The following ABLIM2 variants were observed in gnomAD, a reference collection of about 807,000 sequenced individuals.
ABLIM2 encodes actin binding LIM protein family member 2.
A neutral mutation model predicts 97.7 loss-of-function variants in ABLIM2; 53 were observed. The ratio of observed to expected loss-of-function variants is 0.54; its 90% CI spans 0.44 to 0.68. ABLIM2 has a LOEUF of 0.68. ABLIM2 is among the 30% of genes least tolerant of loss of function. ABLIM2 has a pLI of 0.00. For synonymous variants in ABLIM2, 361 were observed against 345.8 expected (o/e 1.04, Z -0.49); for missense variants, 835 against 867.2 (o/e 0.96, Z 0.47).
intron 20 of ABLIM2, among the ~76,000 whole-genome samples, chr4:7,973,383 C>T (rs1326737466): frequency 6.6e-6 from 1 of 151,612 alleles, no homozygotes; most frequent in Non-Finnish European, 1.5e-5. Context: ...TGCCTGTAGT[C>T]CCAGCTACCC....
Position 8,106,398 on chromosome 4 carries a change from C to G in ABLIM2, c.154+96G>C, listed in dbSNP as rs1271643653. ...CTGGAGTGTTCTCCAGTATCCCAGG[C>G]CCAGGCAGAGCTTCCCAGGAGGCTT... On this transcript the variant is annotated intron_variant, in intron 2 of 20. Coordinates refer to ENST00000447017, the MANE Select transcript of ABLIM2 (RefSeq NM_001130083.2). 40 of 1,509,312 alleles carry G rather than the reference C, an allele frequency of 2.7e-5. No individual in the cohort carries two copies. In the Admixed American group the frequency reaches 7.8e-4, roughly 30 times the overall value. 93.5% of individuals were successfully genotyped at this position (1,509,312 alleles called of 1,614,324 possible). A position where few individuals can be genotyped will look rare whatever the true frequency, so the allele number is the denominator to read the frequency against.
rs1759836584 is a variant in ABLIM2, at chr4:8,004,629, C to G, written c.1618+3430G>C. ...CTCAAGGGGCTAGGAATGTGGGACC[C>G]CAAGCAGCAGCAGGCCCTACTGCCG... is the stretch of plus-strand genomic sequence containing the variant. On this transcript the variant is annotated intron_variant, in intron 16 of 20. Transcript: ENST00000447017. This position sits in a 1 kb window ranked among gnomAD's most constrained non-coding sequence, Gnocchi z 5.9. 2.0e-5 allele frequency among the ~76,000 whole-genome samples: 3 copies of G among 152,062 alleles called. No individual in the cohort carries two copies. The South Asian group carries it at 6.2e-4, about 32-fold the overall frequency.
At chr4:7,993,454 T>TG (rs1750589978) in intron 16 of ABLIM2, among the ~76,000 whole-genome samples, 1 of 152,218 alleles carries the variant, frequency 6.6e-6, no homozygotes, top group South Asian at 2.1e-4. Context: ...GAGGCCAAGG[T>TG]GGGAAAATCA....
intron 14 of ABLIM2, among the ~76,000 whole-genome samples, chr4:8,009,483 G>A (rs986973654): frequency 4.0e-5 from 6 of 150,450 alleles, no homozygotes; most frequent in East Asian, 2.0e-4. Flanking sequence ...TGCAACTTCC[G>A]CCTCCCAGGT....
chr4:8,104,087 C>A lies in ABLIM2; in HGVS notation c.154+2407G>T, dbSNP rs757504550. On this transcript the variant is annotated intron_variant, in intron 2 of 20. Coordinates refer to ENST00000447017, the MANE Select transcript of ABLIM2 (RefSeq NM_001130083.2). ...AGAGAAAGGCCAGGGTGGAGGCCACCCCTTCTCCCAGGCAATCGCTCCCTG... is the reference window on the plus strand; with the variant it reads ...AGAGAAAGGCCAGGGTGGAGGCCACACCTTCTCCCAGGCAATCGCTCCCTG... Among the ~76,000 whole-genome samples, 8 of 152,284 alleles carry A rather than the reference C, an allele frequency of 5.3e-5. No individual in the cohort carries two copies. In the East Asian group the frequency reaches 1.6e-3, roughly 30 times the overall value.
rs1383626322 is a variant in ABLIM2 at position 8,149,592 on chromosome 4, G to A, written c.10+9088C>T. On this transcript the variant is annotated intron_variant, in intron 1 of 20. Transcript: ENST00000447017. The surrounding 1 kb of genome is among the most constrained non-coding windows in gnomAD (Gnocchi z 6.4). Reference sequence around the variant, plus strand: ...CAGAGCCTTGAAAGGGAGAGGAGGAGGGACTCCAGGGGAGCGGGGGCAGGC... The same window carrying A: ...CAGAGCCTTGAAAGGGAGAGGAGGAAGGACTCCAGGGGAGCGGGGGCAGGC... 6.6e-6 allele frequency among the ~76,000 whole-genome samples: 1 copy of A among 151,842 alleles called. No homozygotes were observed. The highest frequency in any genetic ancestry group is 1.5e-5 in the Non-Finnish European group (1 of 67,970).
At chr4:8,134,175 A>T (rs150347735) in intron 1 of ABLIM2, among the ~76,000 whole-genome samples, 1 of 152,300 alleles carries the variant, frequency 6.6e-6, no homozygotes, top group East Asian at 1.9e-4. Context: ...CAAGCGGAGG[A>T]TGTTGAGCGG....
chr4:8,096,459 C>G (rs551474139), intron 3 of ABLIM2, among the ~76,000 whole-genome samples: 26 of 152,316 alleles, frequency 1.7e-4, no homozygotes, highest in African/African-American at 6.3e-4. Flanking sequence ...TACGATGACA[C>G]AGAGCGACTC....
In ABLIM2 at chr4:8,115,007, A is replaced by G. The variant is rs191564767; in HGVS notation, c.11-8370T>C. Among the ~76,000 whole-genome samples the G allele has an allele frequency of 4.7e-4, 72 of 152,278 alleles. No homozygotes were observed. The East Asian group carries it at 9.3e-3, about 20-fold the overall frequency. ...CCCTCTTCCAGTTCCCCAGGAGTGC[A>G]GTCTGGCTTCTCCCATCTGAGTCCT... is the stretch of plus-strand genomic sequence containing the variant. On this transcript the variant is annotated intron_variant, in intron 1 of 20. Transcript: ENST00000447017.
chr4:8,100,805 T>C (rs1299551928), intron 2 of ABLIM2, among the ~76,000 whole-genome samples: 1 of 150,452 alleles, frequency 6.6e-6, no homozygotes, highest in East Asian at 2.0e-4. Context: ...ACAAGCTGAT[T>C]AGCCCAGTGT....
intron 17 of ABLIM2, among the ~76,000 whole-genome samples, chr4:7,987,642 T>C (rs1405150174): frequency 1.3e-5 from 2 of 152,148 alleles, no homozygotes; most frequent in African/African-American, 4.8e-5. Context: ...CCTTGGACGG[T>C]TGGAAACTCA....
At chr4:8,110,121 G>A (rs1248691928) in intron 1 of ABLIM2, among the ~76,000 whole-genome samples, 1 of 152,252 alleles carries the variant, frequency 6.6e-6, no homozygotes, top group Non-Finnish European at 1.5e-5. Flanking sequence ...GGGGGCCCCT[G>A]TAGGCTGCCA....
At position 8,032,707 on chromosome 4, in the gene ABLIM2, A is replaced by G. The variant is rs1417789029; in HGVS notation, c.1048-2931T>C. The G allele has an allele frequency of 6.2e-7, 1 of 1,612,276 alleles. No homozygotes were observed. On this transcript the variant is annotated intron_variant, in intron 10 of 20. Transcript: ENST00000447017. This position sits in a 1 kb window ranked among gnomAD's most constrained non-coding sequence, Gnocchi z 4.3. ...TGTGGACACAACACACAAAGTGGCC[A>G]TTAGTGCTGGCGCCAGGCAGAGAGG... is the stretch of plus-strand genomic sequence containing the variant.
chr4:8,089,158 T>C (rs1273516543), intron 3 of ABLIM2, among the ~76,000 whole-genome samples: 1 of 152,170 alleles, frequency 6.6e-6, no homozygotes, highest in Admixed American at 6.5e-5. Context: ...TGAGGCCAGG[T>C]GAGGGACCGC....
At chr4:8,146,076 C>G (rs1256686555) in intron 1 of ABLIM2, among the ~76,000 whole-genome samples, 1 of 152,184 alleles carries the variant, frequency 6.6e-6, no homozygotes, top group Admixed American at 6.5e-5. Context: ...TGTTTTTCTG[C>G]ATCTTTTGCA....
chr4:8,152,352 G>T (rs770468355), intron 1 of ABLIM2, among the ~76,000 whole-genome samples: 10 of 152,216 alleles, frequency 6.6e-5, no homozygotes, highest in Non-Finnish European at 1.2e-4. Context: ...GGCACCAGAC[G>T]GGACTCGCAG....
Position 8,058,280 on chromosome 4 carries a change from C to T in ABLIM2, c.763+2687G>A, listed in dbSNP as rs1052731209. 5.9e-5 allele frequency among the ~76,000 whole-genome samples: 9 copies of T among 152,240 alleles called. No individual in the cohort carries two copies. In the South Asian group the frequency reaches 8.3e-4, roughly 14 times the overall value. ...GGGACGGTCCCAAAGGACCCTTTGACGGGCTCTCGAGCAGAGACTCAAGGA... is the reference window on the plus strand; with the variant it reads ...GGGACGGTCCCAAAGGACCCTTTGATGGGCTCTCGAGCAGAGACTCAAGGA... On this transcript the variant is annotated intron_variant, in intron 7 of 20. Coordinates refer to ENST00000447017, the MANE Select transcript of ABLIM2 (RefSeq NM_001130083.2). The surrounding 1 kb of genome is among the most constrained non-coding windows in gnomAD (Gnocchi z 4.2).
In ABLIM2 at chr4:8,091,650, T is replaced by A. The variant is rs111216480; in HGVS notation, c.339-3366A>T. The stretch of plus-strand genomic sequence containing the variant: ...AAAATTATATATATAATTTTATATA[T>A]TATATAATTATATATTATATAAAAT... On this transcript the variant is annotated intron_variant, in intron 3 of 20. Transcript: ENST00000447017. 7.3e-4 allele frequency among the ~76,000 whole-genome samples: 36 copies of A among 49,610 alleles called. 1 individual carries two copies. Among genetic ancestry groups the A allele is most frequent in the African/African-American group, 2.8e-3 (35 of 12,376 alleles). 32.5% of individuals were successfully genotyped at this position (49,610 alleles called of 152,430 possible). A position where few individuals can be genotyped will look rare whatever the true frequency, so the allele number is the denominator to read the frequency against.
In ABLIM2 at chr4:8,124,603, G is replaced by A. The variant is rs569476690; in HGVS notation, c.11-17966C>T. ...CGTCAGTGCCTCTTTCCTTTTGATG[G>A]CTGAGAAATATTCCGTTGTACAGAC... On this transcript the variant is annotated intron_variant, in intron 1 of 20. Coordinates refer to ENST00000447017, the MANE Select transcript of ABLIM2 (RefSeq NM_001130083.2). This position sits in a 1 kb window ranked among gnomAD's most constrained non-coding sequence, Gnocchi z 6.1. 4.6e-5 allele frequency among the ~76,000 whole-genome samples: 7 copies of A among 152,308 alleles called. No homozygotes were observed. In the South Asian group the frequency reaches 1.0e-3, roughly 23 times the overall value.
Sources: allele counts gnomAD v4.1 joint callset (sites outside exome capture counted in the v4.1 genomes callset), GRCh38; gene constraint gnomAD v4.1.1; non-coding constraint Gnocchi (gnomAD v3.1); transcripts MANE v1.5; gene names NCBI Gene and HGNC (gene_info 2026-07-23, HGNC 2026-07-21).